Variants in ZNF790 observed in about 807,000 individuals in gnomAD.
ZNF790 encodes the protein zinc finger protein 790.
A neutral mutation model predicts 12.1 loss-of-function variants in ZNF790; 8 were observed. The observed-to-expected ratio is 0.66, with a 90% CI of 0.39 to 1.19. The LOEUF (loss-of-function observed/expected upper bound fraction) is 1.19, where lower values mean the gene tolerates loss of function less well. ZNF790 is among the 50% of genes most tolerant of loss of function. The probability of loss-of-function intolerance (pLI) is 0.01; values close to 1 mark genes in which losing one functional copy is unlikely to be tolerated. For synonymous variants in ZNF790, 252 were observed against 244.3 expected (o/e 1.03, Z -0.29); for missense variants, 707 against 752.2 (o/e 0.94, Z 0.70).
intron 1 of ZNF790, among the ~76,000 whole-genome samples, chr19:36,849,828 AC>A (rs2072226561): frequency 6.7e-6 from 1 of 149,270 alleles, no homozygotes. Flanking sequence ...ACTCAATATG[AC>A]CTCCCCACGC....
intron 1 of ZNF790, among the ~76,000 whole-genome samples, chr19:36,847,656 A>G (rs1411090240): frequency 1.3e-5 from 2 of 151,814 alleles, no homozygotes; most frequent in Non-Finnish European, 2.9e-5. Flanking sequence ...AGACTGAGAC[A>G]GGAGAATCAC....
intron 1 of ZNF790, among the ~76,000 whole-genome samples, chr19:36,826,630 A>AAT (rs2071809218): frequency 7.4e-6 from 1 of 134,306 alleles, no homozygotes; most frequent in South Asian, 2.4e-4. Flanking sequence ...CTATAATTAT[A>AAT]TATATAATAA....
Position 36,819,222 on chromosome 19 carries a change from G to A in ZNF790, c.1122C>T (p.Ala374=). The change falls in exon 5 of 5, where the codon GCC becomes GCT. Residue 374 remains alanine, a synonymous_variant. Transcript: ENST00000356725. The stretch of plus-strand genomic sequence containing the variant: ...GAGCAAGATTTGAACCACGAATAAA[G>A]GCTTTTCCACATTCCTTACACTCAT... The part of the protein sequence containing the change: ...KSHECKECGK[A]FIRGSNLAQH... The A allele has an allele frequency of 1.2e-6, 2 of 1,613,928 alleles. No homozygotes were observed. The highest frequency in any genetic ancestry group is 1.7e-6 in the Non-Finnish European group (2 of 1,179,986).
chr19:36,823,508 A>G, intron 3 of ZNF790, 128 bp from the exon 4 acceptor site: 1 of 1,242,652 alleles, frequency 8.0e-7, no homozygotes, highest in Non-Finnish European at 1.1e-6. Flanking sequence ...ACTATGGGAA[A>G]GATGGAAGTG....
chr19:36,829,449 A>T (rs1322897188), intron 1 of ZNF790, among the ~76,000 whole-genome samples: 1 of 152,262 alleles, frequency 6.6e-6, no homozygotes, highest in Non-Finnish European at 1.5e-5. Flanking sequence ...TCCAAATTGT[A>T]GCATGAATCA....
Position 36,819,566 on chromosome 19 carries a change from C to G in ZNF790, c.778G>C (p.Gly260Arg). 6.2e-7 allele frequency: 1 copy of G among 1,612,020 alleles called. No individual in the cohort carries two copies. Among genetic ancestry groups the G allele is most frequent in the Non-Finnish European group, 8.5e-7 (1 of 1,178,796 alleles). Reference sequence around the variant, plus strand: ...TGTGAATGAAATCTAAAGGCTTTCCCACAATCCTTACATTTAAAAGGTTTC... The same window carrying G: ...TGTGAATGAAATCTAAAGGCTTTCCGACAATCCTTACATTTAAAAGGTTTC... ...GEKPFKCKDCGKAFRFHSQLS... is the reference protein window; with the variant it reads ...GEKPFKCKDCRKAFRFHSQLS... The change falls in exon 5 of 5, where the codon GGG (glycine) becomes CGG (arginine). Residue 260 changes from glycine (G) to arginine (R), a missense_variant. Physicochemically the swap from Gly to Arg is moderately radical, Grantham distance 125. Coordinates refer to ENST00000356725, the MANE Select transcript of ZNF790 (RefSeq NM_206894.4).
intron 4 of ZNF790, among the ~76,000 whole-genome samples, chr19:36,821,659 C>G (rs1241940211): frequency 6.6e-6 from 1 of 152,114 alleles, no homozygotes; most frequent in Non-Finnish European, 1.5e-5. Context: ...TCTCAGCTCA[C>G]TGCAACCTCC....
intron 1 of ZNF790, among the ~76,000 whole-genome samples, chr19:36,829,778 G>A (rs993808938): frequency 1.3e-5 from 2 of 152,030 alleles, no homozygotes; most frequent in Non-Finnish European, 2.9e-5. Context: ...TGTTGGTCAG[G>A]CTAGTCTCAA....
chr19:36,843,058 G>A (rs1227565), upstream of ZNF790, among the ~76,000 whole-genome samples: 5,916 of 151,450 alleles, frequency 0.039, 379 homozygotes, highest in African/African-American at 0.14. Flanking sequence ...CAGGAATAGC[G>A]TAGTCAAGAC....
chr19:36,831,081 G>T (rs1016841728), intron 1 of ZNF790, among the ~76,000 whole-genome samples: 1 of 152,076 alleles, frequency 6.6e-6, no homozygotes, highest in Non-Finnish European at 1.5e-5. Context: ...AGAGGTTCCA[G>T]TGAGCCAAGA....
rs761216534 is a variant in ZNF790 at position 36,820,012 on chromosome 19, C to T, written c.332G>A (p.Ser111Asn). The T allele has an allele frequency of 2.1e-5, 34 of 1,613,742 alleles. No homozygotes were observed. The highest frequency in any genetic ancestry group is 2.8e-5 in the Non-Finnish European group (33 of 1,180,018). Residue 111 changes from serine (S) to asparagine (N), a missense_variant, in exon 5 of 5, where the codon AGC (serine) becomes AAC (asparagine). Transcript: ENST00000356725. ...ACCTCTAAAACATAAACAGTCAAGG[C>T]TGTGGTTTTTACAAATTCTCATTAT... is the stretch of plus-strand genomic sequence containing the variant. The part of the protein sequence containing the change: ...LEIMRICKNH[S>N]LDCLCFRGDW...
Position 36,819,099 on chromosome 19 carries a change from A to G in ZNF790, c.1245T>C (p.Ile415=). Residue 415 remains isoleucine, a synonymous_variant, in exon 5 of 5, where the codon ATT becomes ATC. Transcript: ENST00000356725. ...WSSHLARHQR[I]HTGRKPYECK... ...ATTCATAAGGTTTCCTGCCAGTATG[A>G]ATTCGCTGATGTCGAGCAAGGTGTG... 6.2e-7 allele frequency: 1 copy of G among 1,613,550 alleles called. No individual in the cohort carries two copies. Among genetic ancestry groups the G allele is most frequent in the East Asian group, 2.2e-5 (1 of 44,850 alleles).
upstream of ZNF790, among the ~76,000 whole-genome samples, chr19:36,841,235 G>T (rs1451609362): frequency 6.6e-6 from 1 of 152,116 alleles, no homozygotes; most frequent in African/African-American, 2.4e-5. Context: ...CCACAACAAA[G>T]AATTATCCAG....
intron 1 of ZNF790, among the ~76,000 whole-genome samples, chr19:36,835,086 G>A (rs2146075664): frequency 6.6e-6 from 1 of 152,326 alleles, no homozygotes; most frequent in East Asian, 1.9e-4. Context: ...AGGAGTTCAA[G>A]ACCAGCCTGG....
upstream of ZNF790, among the ~76,000 whole-genome samples, chr19:36,840,737 A>G (rs1227560): frequency 0.35 from 53,969 of 152,100 alleles, 10,765 homozygotes; most frequent in African/African-American, 0.54. Flanking sequence ...GTAGTCTCAG[A>G]CCTGCTATGT....
Position 36,833,591 on chromosome 19 carries a change from G to T in ZNF790, c.-74+4746C>A, listed in dbSNP as rs546597166. On this transcript the variant is annotated intron_variant, in intron 1 of 4. Transcript: ENST00000356725. ...TGGTATAGGAAGCTTAAAAGTAAAA[G>T]GATAGCAAAAGATATACCATGCAAA... 3.2e-4 allele frequency among the ~76,000 whole-genome samples: 48 copies of T among 152,290 alleles called. 1 individual carries two copies. The highest frequency in any genetic ancestry group is 1.1e-3 in the African/African-American group (47 of 41,558).
At chr19:36,841,893 T>C (rs953083071), upstream of ZNF790, among the ~76,000 whole-genome samples, 29 of 151,612 alleles carry the variant, frequency 1.9e-4, no homozygotes, top group African/African-American at 5.8e-4. Context: ...TTATTTTTTT[T>C]TGTAGAGACA....
At chr19:36,834,496 G>A (rs2072004475) in intron 1 of ZNF790, among the ~76,000 whole-genome samples, 1 of 152,266 alleles carries the variant, frequency 6.6e-6, no homozygotes, top group East Asian at 1.9e-4. Flanking sequence ...CATCAGTTAG[G>A]AAAACCACAA....
intron 1 of ZNF790, among the ~76,000 whole-genome samples, chr19:36,846,001 G>A (rs927936753): frequency 2.6e-5 from 4 of 151,922 alleles, no homozygotes; most frequent in African/African-American, 4.8e-5. Context: ...CAGAGACGGC[G>A]TTTCACCATG....
Sources: gnomAD v4.1 joint callset for allele counts (sites outside exome capture counted in the v4.1 genomes callset) on GRCh38, gnomAD v4.1.1 for gene constraint, MANE v1.5 for transcripts, NCBI Gene and HGNC (gene_info 2026-07-23, HGNC 2026-07-21) for gene names.